TERB1: variants seen among roughly 807,000 people sequenced by gnomAD.
The protein encoded by TERB1 is telomere repeats-binding bouquet formation protein 1.
TERB1 carries 63 observed loss-of-function variants against 92.3 expected under a neutral mutation model. The ratio of observed to expected loss-of-function variants is 0.68; its 90% CI spans 0.56 to 0.84. TERB1 has a LOEUF of 0.84. Among genes scored for constraint, TERB1 ranks in the 40% least tolerant of loss-of-function variants. The probability of loss-of-function intolerance (pLI) is 0.00; values close to 1 mark genes in which losing one functional copy is unlikely to be tolerated. For missense variants in TERB1, 709 were observed against 843.7 expected (o/e 0.84, Z 1.98); for synonymous variants, 252 against 283.9 (o/e 0.89, Z 1.13).
intron 16 of TERB1, among the ~76,000 whole-genome samples, chr16:66,764,741 T>C (rs771993483): frequency 6.6e-6 from 1 of 152,210 alleles, no homozygotes; most frequent in Non-Finnish European, 1.5e-5. Context: ...GATTCAAGGC[T>C]TAAAGTCTGG....
In TERB1 at chr16:66,770,744, T is replaced by C. The variant is rs191640236; in HGVS notation, c.1273-435A>G. Among the ~76,000 whole-genome samples the C allele has an allele frequency of 2.1e-3, 320 of 152,254 alleles. 1 individual carries two copies. The highest frequency in any genetic ancestry group is 7.4e-3 in the African/African-American group (306 of 41,550). On this transcript the variant is annotated intron_variant, in intron 13 of 18. Coordinates refer to ENST00000433154, the MANE Select transcript of TERB1 (RefSeq NM_001136505.2). ...ATTCTTCTAGAGACCAAAAACGTTA[T>C]TCTGGGCAGGGATCTCAGGAATAAA...
chr16:66,793,750 C>G (rs532870001), intron 3 of TERB1, among the ~76,000 whole-genome samples: 4 of 152,186 alleles, frequency 2.6e-5, no homozygotes, highest in Admixed American at 6.5e-5. Flanking sequence ...TGAGCTCAGG[C>G]AATCCATCTG....
intron 10 of TERB1, among the ~76,000 whole-genome samples, chr16:66,778,300 T>C (rs925590730): frequency 6.6e-6 from 1 of 152,140 alleles, no homozygotes; most frequent in Non-Finnish European, 1.5e-5. Context: ...AGTCTCGATA[T>C]GTTGACCAAG....
intron 16 of TERB1, among the ~76,000 whole-genome samples, chr16:66,764,752 G>C (rs1390697861): frequency 6.6e-6 from 1 of 152,204 alleles, no homozygotes; most frequent in African/African-American, 2.4e-5. Context: ...TAAAGTCTGG[G>C]AGACCAGACA....
intron 9 of TERB1, among the ~76,000 whole-genome samples, chr16:66,785,286 G>T (rs1015321990): frequency 6.6e-6 from 1 of 151,736 alleles, no homozygotes. Flanking sequence ...CAAGTGATCC[G>T]CCTGCCTCAG....
At chr16:66,790,347 AAGAG>A (rs149008634) in intron 5 of TERB1, among the ~76,000 whole-genome samples, 26,362 of 145,924 alleles carry the variant, frequency 0.18, 4,877 homozygotes, top group African/African-American at 0.48. Flanking sequence ...AAAAGAAAGA[AAGAG>A]AGAGAGAGAG....
chr16:66,777,228 A>G lies in TERB1; in HGVS notation c.960T>C (p.Thr320=). The change falls in exon 11 of 19, where the codon ACT becomes ACC. Residue 320 remains threonine, a synonymous_variant. Coordinates refer to ENST00000433154, the MANE Select transcript of TERB1 (RefSeq NM_001136505.2). ...CACAATCCTCTGTGCAATGACCAAGAGTAAGCATGATGCTAAATTTTTCTC... is the reference window on the plus strand; with the variant it reads ...CACAATCCTCTGTGCAATGACCAAGGGTAAGCATGATGCTAAATTTTTCTC... ...DSGEKFSIML[T]LGHCTEDCEE... 1 of 1,551,230 alleles carries G rather than the reference A, an allele frequency of 6.4e-7. No homozygotes were observed.
intron 12 of TERB1, among the ~76,000 whole-genome samples, chr16:66,774,686 T>TC: frequency 6.7e-6 from 1 of 149,178 alleles, no homozygotes; most frequent in East Asian, 1.9e-4. Context: ...TGATTTTCTT[T>TC]TTTTTTTTTT....
Position 66,785,822 on chromosome 16 carries a change from T to C in TERB1, c.664A>G (p.Ile222Val), listed in dbSNP as rs1413072655. The part of the protein sequence containing the change: ...NCTTPEIIRP[I>V]CSFIGLTLAN... The stretch of plus-strand genomic sequence containing the variant: ...AGAGTGAGTCCAATAAATGAGCAAA[T>C]AGGGCGAATTATCTCAGGTGTCGTG... The change falls in exon 9 of 19, where the codon ATT becomes GTT. Residue 222 changes from isoleucine (I) to valine (V), a missense_variant. Ile to Val is a conservative substitution (Grantham distance 29, BLOSUM62 3). Transcript: ENST00000433154. 6.5e-7 allele frequency: 1 copy of C among 1,547,952 alleles called. No individual in the cohort carries two copies. Among genetic ancestry groups the C allele is most frequent in the Admixed American group, 2.0e-5 (1 of 50,368 alleles).
At chr16:66,772,136 TTAAAAAA>T (rs1457991774) in intron 13 of TERB1, among the ~76,000 whole-genome samples, 1 of 152,182 alleles carries the variant, frequency 6.6e-6, no homozygotes, top group Non-Finnish European at 1.5e-5. Flanking sequence ...ATTTAAAACT[TTAAAAAA>T]TAACTTGGGA....
intron 15 of TERB1, 25 bp from the exon 16 acceptor site, chr16:66,767,535 ATTTT>A: frequency 1.8e-5 from 18 of 1,009,120 alleles, no homozygotes; most frequent in Admixed American, 3.0e-5. Context: ...AAAATGAAGG[ATTTT>A]TGGATTAATG....
intron 9 of TERB1, among the ~76,000 whole-genome samples, chr16:66,783,436 TTA>T (rs1211839763): frequency 9.9e-5 from 15 of 152,226 alleles, no homozygotes; most frequent in Admixed American, 6.5e-4. Context: ...TCATAACATA[TTA>T]TCTTTTCTAT....
chr16:66,784,439 C>T (rs1357258934), intron 9 of TERB1, among the ~76,000 whole-genome samples: 1 of 151,816 alleles, frequency 6.6e-6, no homozygotes, highest in Non-Finnish European at 1.5e-5. Flanking sequence ...TCAAGTGATT[C>T]TCCTGCCTCA....
chr16:66,765,704 C>T (rs1231267938), intron 16 of TERB1, among the ~76,000 whole-genome samples: 5 of 151,742 alleles, frequency 3.3e-5, no homozygotes, highest in Non-Finnish European at 5.9e-5. Flanking sequence ...GTAATCCACC[C>T]GCCTCGGCCT....
At chr16:66,771,544 G>T (rs1224508905) in intron 13 of TERB1, among the ~76,000 whole-genome samples, 2 of 151,978 alleles carry the variant, frequency 1.3e-5, no homozygotes, top group Non-Finnish European at 2.9e-5. Flanking sequence ...GGAGGTCCTG[G>T]AACCAATCCC....
intron 9 of TERB1, among the ~76,000 whole-genome samples, chr16:66,783,311 A>G (rs557302355): frequency 6.6e-6 from 1 of 152,326 alleles, no homozygotes; most frequent in East Asian, 1.9e-4. Flanking sequence ...ATTATGTCAA[A>G]TGCTTTTCCT....
At chr16:66,786,974 G>A (rs2018739103) in intron 6 of TERB1, among the ~76,000 whole-genome samples, 1 of 152,164 alleles carries the variant, frequency 6.6e-6, no homozygotes, top group Non-Finnish European at 1.5e-5. Flanking sequence ...AGGAAGGGTG[G>A]CATGAGAGAG....
upstream of TERB1, among the ~76,000 whole-genome samples, chr16:66,802,003 G>C (rs915363872): frequency 6.6e-6 from 1 of 152,182 alleles, no homozygotes; most frequent in Non-Finnish European, 1.5e-5. Flanking sequence ...CCTCACCAGG[G>C]GGCTTCCGGA....
chr16:66,755,011 TGTG>T lies in TERB1; in HGVS notation c.2146_2148del (p.His716del), dbSNP rs1361688999. 7.7e-6 allele frequency: 12 copies of T among 1,551,222 alleles called. No homozygotes were observed. Among genetic ancestry groups the T allele is most frequent in the African/African-American group, 1.4e-5 (1 of 73,054 alleles). ...GCACACGTGGGGTGTTTGGTCAGCT[TGTG>T]GTATTTGTGAGCAAGGTCCACAGCC... On this transcript the variant is annotated inframe_deletion, in exon 19 of 19. Coordinates refer to ENST00000433154, the MANE Select transcript of TERB1 (RefSeq NM_001136505.2).
Sources: allele counts gnomAD v4.1 joint callset (sites outside exome capture counted in the v4.1 genomes callset), GRCh38; gene constraint gnomAD v4.1.1; transcripts MANE v1.5; gene names NCBI Gene and HGNC (gene_info 2026-07-23, HGNC 2026-07-21).